NPEPPS: variants seen among roughly 807,000 people sequenced by gnomAD.
NPEPPS encodes the protein puromycin-sensitive aminopeptidase.
In NPEPPS, 14 loss-of-function variants were observed where a neutral mutation model predicts 115.5. The ratio of observed to expected loss-of-function variants is 0.12; its 90% CI spans 0.08 to 0.19. The LOEUF (loss-of-function observed/expected upper bound fraction) is 0.19, where lower values mean the gene tolerates loss of function less well. Among genes scored for constraint, NPEPPS ranks in the 10% least tolerant of loss-of-function variants. NPEPPS has a pLI of 1.00. For missense variants in NPEPPS, 523 were observed against 1,110.8 expected (o/e 0.47, Z 7.52); for synonymous variants, 285 against 390.6 (o/e 0.73, Z 3.19).
intron 14 of NPEPPS, among the ~76,000 whole-genome samples, chr17:47,601,235 C>CA (rs986792586): frequency 8.1e-5 from 12 of 147,886 alleles, no homozygotes; most frequent in African/African-American, 1.7e-4. Context: ...ACTCTGTCTC[C>CA]AAAAAAAAAT....
In NPEPPS at chr17:47,586,411, T is replaced by G; in HGVS notation, c.980+13T>G. On this transcript the variant is annotated intron_variant, in intron 8 of 22. Transcript: ENST00000322157. ...TTGTTACTTATAGGTATGTTAATGA[T>G]GTGTTACCCTGCCTTATCTTTTCAA... The G allele has an allele frequency of 6.5e-7, 1 of 1,543,482 alleles. No homozygotes were observed. The highest frequency in any genetic ancestry group is 8.7e-7 in the Non-Finnish European group (1 of 1,143,502).
intron 15 of NPEPPS, among the ~76,000 whole-genome samples, chr17:47,602,628 A>G (rs1444387468): frequency 7.0e-6 from 1 of 142,450 alleles, no homozygotes; most frequent in African/African-American, 2.6e-5. Context: ...ACAGGGTGAG[A>G]CGCCATCTCA....
At chr17:47,537,617 C>T (rs1908395876) in intron 1 of NPEPPS, among the ~76,000 whole-genome samples, 1 of 151,602 alleles carries the variant, frequency 6.6e-6, no homozygotes, top group Non-Finnish European at 1.5e-5. Flanking sequence ...TGCTTGAACT[C>T]GGGAAGCGGA....
intron 1 of NPEPPS, among the ~76,000 whole-genome samples, chr17:47,543,145 CAAAAAAAA>C (rs941024934): frequency 1.9e-5 from 1 of 53,082 alleles, no homozygotes; most frequent in Non-Finnish European, 3.7e-5. Flanking sequence ...GACTCCATCT[CAAAAAAAA>C]AAAAAAAAAA....
upstream of NPEPPS, among the ~76,000 whole-genome samples, chr17:47,528,032 T>G (rs1221183458): frequency 1.3e-5 from 2 of 151,954 alleles, no homozygotes; most frequent in Non-Finnish European, 1.5e-5. Context: ...CTGGGCACAG[T>G]GGTTCATGTC....
chr17:47,621,150 T>C (rs1914541517), intron 22 of NPEPPS, among the ~76,000 whole-genome samples: 2 of 136,378 alleles, frequency 1.5e-5, no homozygotes, highest in African/African-American at 5.6e-5. Flanking sequence ...CATTGCACTC[T>C]AGCCTGGGCA....
At chr17:47,546,521 T>C (rs775260503) in intron 2 of NPEPPS, among the ~76,000 whole-genome samples, 6 of 152,118 alleles carry the variant, frequency 3.9e-5, no homozygotes, top group Non-Finnish European at 5.9e-5. Flanking sequence ...CACAATTTAT[T>C]TTATTTTTAA....
chr17:47,601,600 T>C lies in NPEPPS; in HGVS notation c.1601-8T>C. On this transcript the variant is annotated splice_polypyrimidine_tract_variant and splice_region_variant and intron_variant, in intron 14 of 22. Transcript: ENST00000322157. ...AGTGCAAAATTTGTTTGTTCTTCTC[T>C]GGCTTAGGTGAAGATTGTCCCCAGT... 3 of 1,613,222 alleles carry C rather than the reference T, an allele frequency of 1.9e-6. No individual in the cohort carries two copies. The highest frequency in any genetic ancestry group is 2.5e-6 in the Non-Finnish European group (3 of 1,179,642).
intron 15 of NPEPPS, 37 bp from the exon 16 acceptor site, chr17:47,603,878 G>T: frequency 6.4e-7 from 1 of 1,552,922 alleles, no homozygotes; most frequent in Non-Finnish European, 8.7e-7. Context: ...AAAAATTAAT[G>T]GAGCTGTTTA....
rs1485645642 is a variant in NPEPPS at position 47,563,687 on chromosome 17, C to T, written c.341-5730C>T. Reference sequence around the variant, plus strand: ...CCGAGTTCACGCCATTTTCCTGCCTCAGCCTCCTGAGTAGCTGGGACTATA... The same window carrying T: ...CCGAGTTCACGCCATTTTCCTGCCTTAGCCTCCTGAGTAGCTGGGACTATA... On this transcript the variant is annotated intron_variant, in intron 2 of 22. Coordinates refer to ENST00000322157, the MANE Select transcript of NPEPPS (RefSeq NM_006310.4). Among the ~76,000 whole-genome samples the T allele has an allele frequency of 2.6e-5, 4 of 152,176 alleles. No individual in the cohort carries two copies. In the East Asian group the frequency reaches 5.8e-4, roughly 22 times the overall value.
intron 10 of NPEPPS, 92 bp downstream of exon 10, chr17:47,590,973 T>C (rs2610294): frequency 3.3e-6 from 5 of 1,495,328 alleles, no homozygotes; most frequent in Middle Eastern, 1.8e-4. Flanking sequence ...ACTTTGAAAA[T>C]AAGAGAAAAT....
rs751670239 is a variant in NPEPPS, at chr17:47,603,915, T to C, written c.1741T>C (p.Leu581=). ...KNVKPDQWVK[L]NLGTVGFYRT... ...TAGTACTTACTGGATATCTTTGCAG[T>C]TAAACTTAGGAACAGTTGGGTTTTA... is the stretch of plus-strand genomic sequence containing the variant. Residue 581 remains leucine (L), a splice_region_variant and synonymous_variant, in exon 16 of 23, where the codon TTA becomes CTA. Coordinates refer to ENST00000322157, the MANE Select transcript of NPEPPS (RefSeq NM_006310.4). The C allele has an allele frequency of 6.2e-6, 10 of 1,606,072 alleles. No individual in the cohort carries two copies. Among genetic ancestry groups the C allele is most frequent in the Non-Finnish European group, 8.5e-6 (10 of 1,175,788 alleles).
chr17:47,553,329 C>T lies in NPEPPS; in HGVS notation c.340+7336C>T, dbSNP rs578046509. Among the ~76,000 whole-genome samples the T allele has an allele frequency of 2.6e-3, 389 of 150,328 alleles. 1 individual carries two copies. Among genetic ancestry groups the T allele is most frequent in the African/African-American group, 9.2e-3 (374 of 40,798 alleles). ...CAGAGGTTGCAGTGAGCCAAGATCA[C>T]GCCATTGCACTCCAGCCTGGGGGAC... On this transcript the variant is annotated intron_variant, in intron 2 of 22. Coordinates refer to ENST00000322157, the MANE Select transcript of NPEPPS (RefSeq NM_006310.4).
At chr17:47,606,572 C>T (rs1450288879) in intron 17 of NPEPPS, among the ~76,000 whole-genome samples, 2 of 152,028 alleles carry the variant, frequency 1.3e-5, no homozygotes, top group Non-Finnish European at 2.9e-5. Context: ...ATTCTCCTGC[C>T]TCAGCCTCCC....
intron 4 of NPEPPS, chr17:47,582,489 T>G (rs1178495551): frequency 2.4e-6 from 1 of 412,948 alleles, no homozygotes; most frequent in Non-Finnish European, 4.6e-6. Flanking sequence ...AAACAAAAAT[T>G]TAGTTGTAAA....
At chr17:47,608,518 A>C (rs1913654111) in intron 17 of NPEPPS, among the ~76,000 whole-genome samples, 1 of 151,768 alleles carries the variant, frequency 6.6e-6, no homozygotes, top group Non-Finnish European at 1.5e-5. Context: ...TCACACCTGT[A>C]ATCCAGCTAC....
chr17:47,589,254 G>A (rs867294118), intron 9 of NPEPPS, among the ~76,000 whole-genome samples: 1 of 151,322 alleles, frequency 6.6e-6, no homozygotes, highest in Non-Finnish European at 1.5e-5. Context: ...GCCTTTTCTG[G>A]GGGGACTGGT....
At chr17:47,561,085 T>A (rs918934666) in intron 2 of NPEPPS, among the ~76,000 whole-genome samples, 3 of 152,256 alleles carry the variant, frequency 2.0e-5, no homozygotes, top group Non-Finnish European at 4.4e-5. Flanking sequence ...GATGCTTGTA[T>A]AGATGGTATA....
intron 1 of NPEPPS, among the ~76,000 whole-genome samples, chr17:47,532,658 CAAAAA>C (rs898672269): frequency 1.4e-4 from 7 of 51,432 alleles, no homozygotes; most frequent in South Asian, 7.5e-4. Flanking sequence ...GACTCCGTCT[CAAAAA>C]AAAAAAAAAA....
Sources: gnomAD v4.1 joint callset for allele counts (sites outside exome capture counted in the v4.1 genomes callset) on GRCh38, gnomAD v4.1.1 for gene constraint, MANE v1.5 for transcripts, NCBI Gene and HGNC (gene_info 2026-07-23, HGNC 2026-07-21) for gene names.